Variants in MAP2K2 observed in about 807,000 individuals in gnomAD.
MAP2K2 encodes mitogen-activated protein kinase kinase 2.
A neutral mutation model predicts 43.7 loss-of-function variants in MAP2K2; 24 were observed. The observed-to-expected ratio is 0.55, with a 90% CI of 0.40 to 0.77. MAP2K2 has a LOEUF of 0.77. Ranked by LOEUF, MAP2K2 falls within the 30% of genes least tolerant of loss-of-function variation. The pLI is 0.00. For missense variants in MAP2K2, 470 were observed against 566.8 expected, an observed-to-expected ratio of 0.83 and a Z score of 1.73; for synonymous variants, 244 against 239.7, an observed-to-expected ratio of 1.02 and a Z score of -0.17.
Position 4,095,463 on chromosome 19 carries a change from C to A in MAP2K2, c.985-14G>T. The A allele has an allele frequency of 1.3e-6, 2 of 1,550,794 alleles. No homozygotes were observed. Among genetic ancestry groups the A allele is most frequent in the Non-Finnish European group, 1.7e-6 (2 of 1,146,432 alleles). On this transcript the variant is annotated splice_polypyrimidine_tract_variant and intron_variant, in intron 8 of 10. Transcript: ENST00000262948. ...CTTAGGAGGTGGCTGTGGAGGAGAA[C>A]AGAGGGTGGGGTCAGCCCTGGGCAT...
intron 3 of MAP2K2, among the ~76,000 whole-genome samples, chr19:4,109,876 G>T (rs2041132604): frequency 6.6e-6 from 1 of 152,136 alleles, no homozygotes; most frequent in Admixed American, 6.6e-5. Flanking sequence ...CATGTTATTT[G>T]AGATAGGGCA....
chr19:4,102,233 T>C, intron 4 of MAP2K2, 143 bp downstream of exon 4: 1 of 725,860 alleles, frequency 1.4e-6, no homozygotes, highest in Non-Finnish European at 2.4e-6. Context: ...CCACAGCAGG[T>C]GGGCACAGCC....
intron 1 of MAP2K2, among the ~76,000 whole-genome samples, chr19:4,123,022 C>T (rs1216972800): frequency 6.7e-6 from 1 of 149,048 alleles, no homozygotes; most frequent in Non-Finnish European, 1.5e-5. Flanking sequence ...CCCATCCTCT[C>T]CTCTCAGGAA....
rs769762171 is a variant in MAP2K2 at position 4,110,530 on chromosome 19, G to C, written c.429C>G (p.Ile143Met). The change falls in exon 3 of 11, where the codon ATC (isoleucine) becomes ATG (methionine). Residue 143 changes from isoleucine to methionine, a missense_variant. Coordinates refer to ENST00000262948, the MANE Select transcript of MAP2K2 (RefSeq NM_030662.4). The part of the protein sequence containing the change: ...FYGAFYSDGE[I>M]SICMEHMDGG... ...TCACCATGTGTTCCATGCAAATGCT[G>C]ATCTCCCCGTCACTGTAGAAGGCCC... 6.2e-7 allele frequency: 1 copy of C among 1,613,820 alleles called. No individual in the cohort carries two copies. The highest frequency in any genetic ancestry group is 8.5e-7 in the Non-Finnish European group (1 of 1,180,022).
chr19:4,123,426 C>T (rs932084602), intron 1 of MAP2K2, among the ~76,000 whole-genome samples: 4 of 151,938 alleles, frequency 2.6e-5, no homozygotes, highest in African/African-American at 7.3e-5. Context: ...CAGAGACTCC[C>T]GTTATCCCAA....
chr19:4,090,573 C>G lies in MAP2K2; in HGVS notation c.*25G>C. On this transcript the variant is annotated 3_prime_UTR_variant, in exon 11 of 11. Coordinates refer to ENST00000262948, the MANE Select transcript of MAP2K2 (RefSeq NM_030662.4). ...ACAGGGACGGTGGGCAGGTCACCAGCGGGACGCAGGGAGCCCGGCCACTGT... is the reference window on the plus strand; with the variant it reads ...ACAGGGACGGTGGGCAGGTCACCAGGGGGACGCAGGGAGCCCGGCCACTGT... The G allele has an allele frequency of 6.5e-7, 1 of 1,528,934 alleles. No homozygotes were observed. The highest frequency in any genetic ancestry group is 8.9e-7 in the Non-Finnish European group (1 of 1,128,606). The allele number at this position is 1,528,934 out of a possible 1,614,324, so 94.7% of individuals were successfully genotyped here.
intron 3 of MAP2K2, among the ~76,000 whole-genome samples, chr19:4,106,980 C>A (rs1216796658): frequency 6.6e-6 from 1 of 152,234 alleles, no homozygotes; most frequent in Admixed American, 6.5e-5. Flanking sequence ...TTCCCCATCC[C>A]ATGAGGCCCC....
At chr19:4,094,313 G>A (rs2040883635) in intron 10 of MAP2K2, 140 bp downstream of exon 10, 1 of 869,786 alleles carries the variant, frequency 1.1e-6, no homozygotes, top group Non-Finnish European at 1.9e-6. Flanking sequence ...TCCTCGGCGT[G>A]GCCTGGCACA....
chr19:4,093,151 G>A (rs2040870460), intron 10 of MAP2K2, among the ~76,000 whole-genome samples: 1 of 152,158 alleles, frequency 6.6e-6, no homozygotes, highest in Non-Finnish European at 1.5e-5. Flanking sequence ...CTGGGAGGCG[G>A]AGGTTGCAGT....
intron 3 of MAP2K2, among the ~76,000 whole-genome samples, chr19:4,108,400 C>T (rs1282086811): frequency 1.3e-5 from 2 of 151,426 alleles, no homozygotes; most frequent in African/African-American, 4.8e-5. Context: ...GCCACCATGC[C>T]TGGCTAATTT....
At chr19:4,105,458 T>C (rs350907) in intron 3 of MAP2K2, among the ~76,000 whole-genome samples, 114,431 of 151,540 alleles carry the variant, frequency 0.76, 43,319 homozygotes, top group East Asian at 0.92. Flanking sequence ...TTAGTAGAGA[T>C]GGGGTTTCAC....
In MAP2K2 at chr19:4,097,383, CCA is replaced by C. The variant is rs746061975; in HGVS notation, c.920-42_920-41del. On this transcript the variant is annotated intron_variant, in intron 7 of 10. Transcript: ENST00000262948. ...AGATGGAGGTGAGATGGGCCGATGG[CCA>C]CCTCACTTCTGCTGGGGGTTGGGCT... 29 of 1,508,822 alleles carry C rather than the reference CCA, an allele frequency of 1.9e-5. No homozygotes were observed. In the East Asian group the frequency reaches 6.3e-4, roughly 33 times the overall value. The allele number at this position is 1,508,822 out of a possible 1,614,324, so 93.5% of individuals were successfully genotyped here.
chr19:4,102,509 G>T, intron 3 of MAP2K2, 56 bp from the exon 4 acceptor site: 1 of 1,328,222 alleles, frequency 7.5e-7, no homozygotes, highest in Non-Finnish European at 1.1e-6. Flanking sequence ...GGGAAGCCAC[G>T]GATGCGTCCC....
chr19:4,096,945 T>C (rs2040926689), intron 8 of MAP2K2, among the ~76,000 whole-genome samples: 1 of 150,638 alleles, frequency 6.6e-6, no homozygotes, highest in African/African-American at 2.4e-5. Context: ...GTGGAATTGG[T>C]TCAAGAATTG....
intron 8 of MAP2K2, 117 bp from the exon 9 acceptor site, chr19:4,095,566 A>G: frequency 1.3e-6 from 1 of 771,768 alleles, no homozygotes; most frequent in Non-Finnish European, 2.1e-6. Flanking sequence ...CCTGGCCGAC[A>G]CCACATGCCA....
chr19:4,117,307 G>C, intron 2 of MAP2K2, 112 bp downstream of exon 2: 2 of 1,037,068 alleles, frequency 1.9e-6, no homozygotes, highest in African/African-American at 1.6e-5. Context: ...ATGAGGGACA[G>C]AGCCTGGAGC....
intron 3 of MAP2K2, 66 bp from the exon 4 acceptor site, chr19:4,102,519 C>T: frequency 8.0e-7 from 1 of 1,244,280 alleles, no homozygotes; most frequent in Non-Finnish European, 1.1e-6. Context: ...GGATGCGTCC[C>T]CCCACTCCCG....
intron 1 of MAP2K2, among the ~76,000 whole-genome samples, chr19:4,118,182 C>A (rs186558134): frequency 1.7e-3 from 258 of 152,328 alleles, no homozygotes; most frequent in African/African-American, 6.1e-3. Flanking sequence ...GAGTGATCCG[C>A]CTGCCTCAGC....
intron 1 of MAP2K2, among the ~76,000 whole-genome samples, chr19:4,122,548 C>A (rs908640022): frequency 7.1e-6 from 1 of 141,634 alleles, no homozygotes; most frequent in Non-Finnish European, 1.5e-5. Context: ...CCCACAGGCC[C>A]CCACCGACAC....
Sources: allele counts gnomAD v4.1 joint callset (sites outside exome capture counted in the v4.1 genomes callset), GRCh38; gene constraint gnomAD v4.1.1; transcripts MANE v1.5; gene names NCBI Gene and HGNC (gene_info 2026-07-23, HGNC 2026-07-21).